Variants in DCC observed in about 807,000 individuals in gnomAD.
DCC encodes the protein netrin receptor DCC.
A neutral mutation model predicts 172.5 loss-of-function variants in DCC; 58 were observed. The observed-to-expected ratio is 0.34, with a 90% CI of 0.27 to 0.42. The LOEUF (loss-of-function observed/expected upper bound fraction) is 0.42, where lower values mean the gene tolerates loss of function less well. DCC is among the 10% of genes least tolerant of loss of function. The pLI is 1.00. For missense variants in DCC, 1,740 were observed against 1,791.0 expected, an observed-to-expected ratio of 0.97 and a Z score of 0.51; for synonymous variants, 709 against 644.5, an observed-to-expected ratio of 1.10 and a Z score of -1.52.
intron 1 of DCC, among the ~76,000 whole-genome samples, chr18:52,404,984 A>G (rs919888880): frequency 1.3e-5 from 2 of 151,858 alleles, no homozygotes; most frequent in Non-Finnish European, 2.9e-5. Flanking sequence ...CCTACAAAGG[A>G]CATGAGCTCA....
chr18:53,083,582 T>C (rs2042836120), intron 7 of DCC, among the ~76,000 whole-genome samples: 1 of 152,172 alleles, frequency 6.6e-6, no homozygotes, highest in Non-Finnish European at 1.5e-5. Flanking sequence ...ACTTGCACAT[T>C]AGTTTTTAGA....
rs374796439 is a variant in DCC at position 52,664,476 on chromosome 18, C to CT, written c.92-87562dup. ...TCTTTTTTCTTTTCTTTTTCTTTTTCTTTTTTTTTTTTTTTTGAGACCGAG... is the reference window on the plus strand; with the variant it reads ...TCTTTTTTCTTTTCTTTTTCTTTTTCTTTTTTTTTTTTTTTTTGAGACCGAG... On this transcript the variant is annotated intron_variant, in intron 1 of 28. Transcript: ENST00000442544. Among the ~76,000 whole-genome samples, 931 of 112,412 alleles carry CT rather than the reference C, an allele frequency of 8.3e-3. 46 individuals carry two copies. The highest frequency in any genetic ancestry group is 0.062 in the Admixed American group (547 of 8,848). The allele number at this position is 112,412 out of a possible 152,430, so 73.7% of individuals were successfully genotyped here.
intron 1 of DCC, among the ~76,000 whole-genome samples, chr18:52,530,619 C>T (rs2032121658): frequency 6.6e-6 from 1 of 152,140 alleles, no homozygotes; most frequent in South Asian, 2.1e-4. Flanking sequence ...CTTCCTACTC[C>T]ACTGTACTTC....
intron 27 of DCC, among the ~76,000 whole-genome samples, chr18:53,504,356 C>T (rs563672486): frequency 3.9e-4 from 59 of 152,214 alleles, no homozygotes; most frequent in African/African-American, 1.3e-3. Flanking sequence ...TGACACAAGA[C>T]GGTCATTTTA....
chr18:52,484,389 C>G (rs1015950391), intron 1 of DCC, among the ~76,000 whole-genome samples: 2 of 152,054 alleles, frequency 1.3e-5, no homozygotes, highest in African/African-American at 2.4e-5. Context: ...GAGGCGGAAA[C>G]TGTGATAAGC....
intron 1 of DCC, among the ~76,000 whole-genome samples, chr18:52,728,965 C>A (rs1286268120): frequency 1.3e-5 from 2 of 152,140 alleles, no homozygotes; most frequent in Non-Finnish European, 2.9e-5. Context: ...GAAAACAAAT[C>A]AAAAAGCATG....
chr18:52,770,167 C>T (rs1262225396), intron 2 of DCC, among the ~76,000 whole-genome samples: 1 of 152,200 alleles, frequency 6.6e-6, no homozygotes, highest in Non-Finnish European at 1.5e-5. Flanking sequence ...CTCTTTTCCT[C>T]TCCTTCCTCC....
intron 2 of DCC, among the ~76,000 whole-genome samples, chr18:52,821,969 G>T (rs2038415103): frequency 6.6e-6 from 1 of 152,174 alleles, no homozygotes; most frequent in African/African-American, 2.4e-5. Flanking sequence ...TTGGGAGTCA[G>T]ATGTTTCTTA....
chr18:52,340,966 G>A, intron 1 of DCC, 88 bp downstream of exon 1: 1 of 1,042,352 alleles, frequency 9.6e-7, no homozygotes, highest in East Asian at 2.4e-5. Context: ...TAGAATTGGG[G>A]TGGGGGATAG....
chr18:52,850,973 ACCTTTTTGAAAGTTCT>A (rs1259906560), intron 2 of DCC, among the ~76,000 whole-genome samples: 1 of 152,028 alleles, frequency 6.6e-6, no homozygotes, highest in Non-Finnish European at 1.5e-5. Flanking sequence ...CTTCGATATT[ACCTTTTTGAAAGTTCT>A]TATGTTTCTA....
intron 8 of DCC, among the ~76,000 whole-genome samples, chr18:53,162,681 A>C (rs1430718801): frequency 6.6e-6 from 1 of 152,162 alleles, no homozygotes; most frequent in Non-Finnish European, 1.5e-5. Context: ...ATCCACATGG[A>C]TCATTCCCTA....
rs541976069 is a variant in DCC, at chr18:52,456,136, A to G, written c.91+115258A>G. Among the ~76,000 whole-genome samples, 6 of 152,310 alleles carry G rather than the reference A, an allele frequency of 3.9e-5. No homozygotes were observed. In the East Asian group the frequency reaches 9.6e-4, roughly 24 times the overall value. On this transcript the variant is annotated intron_variant, in intron 1 of 28. Coordinates refer to ENST00000442544, the MANE Select transcript of DCC (RefSeq NM_005215.4). ...TCTGTTGAAAACAGATTTCTGTTTT[A>G]TATTTATTTAAATATATTGTAGGTG...
chr18:53,492,085 T>A (rs79385513), intron 26 of DCC, among the ~76,000 whole-genome samples: 7,740 of 152,298 alleles, frequency 0.051, 580 homozygotes, highest in African/African-American at 0.16. Context: ...TTTTTTCATA[T>A]GTTTGTTGGC....
chr18:53,226,276 G>A (rs2056026559), intron 12 of DCC, among the ~76,000 whole-genome samples: 1 of 152,188 alleles, frequency 6.6e-6, no homozygotes, highest in South Asian at 2.1e-4. Context: ...CAAAGGTAAG[G>A]TCTAGATCAG....
At chr18:52,812,447 CT>C (rs137975904) in intron 2 of DCC, among the ~76,000 whole-genome samples, 14 of 152,218 alleles carry the variant, frequency 9.2e-5, no homozygotes, top group African/African-American at 3.4e-4. Context: ...TAATGTTTGT[CT>C]TCAAGGAGAG....
chr18:53,057,103 A>G (rs992657530), intron 5 of DCC, among the ~76,000 whole-genome samples: 16 of 129,982 alleles, frequency 1.2e-4, no homozygotes, highest in Non-Finnish European at 2.5e-4. Flanking sequence ...AAAAAAAAAA[A>G]GCAAGTCTTC....
intron 1 of DCC, among the ~76,000 whole-genome samples, chr18:52,475,003 A>C (rs1989053415): frequency 6.6e-6 from 1 of 152,186 alleles, no homozygotes; most frequent in Non-Finnish European, 1.5e-5. Context: ...TTCAATTTGC[A>C]TAAGAAAACA....
At chr18:53,252,413 T>C (rs980415616) in intron 12 of DCC, among the ~76,000 whole-genome samples, 1 of 151,950 alleles carries the variant, frequency 6.6e-6, no homozygotes. Flanking sequence ...TGTGACAGTA[T>C]GTTGACAGAA....
intron 1 of DCC, among the ~76,000 whole-genome samples, chr18:52,634,161 G>A (rs2034730098): frequency 6.6e-6 from 1 of 152,238 alleles, no homozygotes; most frequent in South Asian, 2.1e-4. Flanking sequence ...AGCAGTCAGT[G>A]AACTGATGTG....
Sources: allele counts gnomAD v4.1 joint callset (sites outside exome capture counted in the v4.1 genomes callset), GRCh38; gene constraint gnomAD v4.1.1; transcripts MANE v1.5; gene names NCBI Gene and HGNC (gene_info 2026-07-23, HGNC 2026-07-21).